Variants in MTMR1 observed in about 807,000 individuals in gnomAD.
MTMR1 encodes the protein myotubularin related protein 1.
MTMR1 carries 17 observed loss-of-function variants against 51.6 expected under a neutral mutation model. The ratio of observed to expected loss-of-function variants is 0.33; its 90% CI spans 0.23 to 0.49. MTMR1 has a LOEUF of 0.49. Ranked by LOEUF, MTMR1 falls within the 20% of genes least tolerant of loss-of-function variation. The probability of loss-of-function intolerance (pLI) is 0.99; values close to 1 mark genes in which losing one functional copy is unlikely to be tolerated. For missense variants in MTMR1, 386 were observed against 526.9 expected, an observed-to-expected ratio of 0.73 and a Z score of 2.62; for synonymous variants, 201 against 205.6, an observed-to-expected ratio of 0.98 and a Z score of 0.19.
intron 1 of MTMR1, among the ~76,000 whole-genome samples, chrX:150,695,647 C>T (rs1557415710): frequency 8.9e-6 from 1 of 111,918 alleles, no homozygotes; most frequent in Non-Finnish European, 1.9e-5. Context: ...GCAGGCTCTT[C>T]GCTCTGGACA....
At chrX:150,699,347 C>G (rs782792572) in intron 2 of MTMR1, 47 bp downstream of exon 2, 1 of 946,096 alleles carries the variant, frequency 1.1e-6, no homozygotes, top group South Asian at 2.2e-5. Context: ...GCTAAGTAGC[C>G]AAGAAGCTTT....
intron 3 of MTMR1, among the ~76,000 whole-genome samples, chrX:150,713,506 C>T (rs904991178): frequency 8.9e-6 from 1 of 111,736 alleles, no homozygotes; most frequent in African/African-American, 3.2e-5. Context: ...TAAAGCTTTA[C>T]TAGTTCTTCA....
At chrX:150,738,874 C>T (rs1270354868) in intron 12 of MTMR1, among the ~76,000 whole-genome samples, 2 of 111,881 alleles carry the variant, frequency 1.8e-5, no homozygotes, top group African/African-American at 6.5e-5. Flanking sequence ...GGTTATATAC[C>T]TAGGAGTGAA....
intron 2 of MTMR1, among the ~76,000 whole-genome samples, chrX:150,701,204 T>G (rs1021781021): frequency 1.0e-4 from 11 of 104,878 alleles, no homozygotes; most frequent in Non-Finnish European, 2.0e-4. Context: ...TCAAGGAGAG[T>G]TTTTTTTTTT....
At chrX:150,762,499 C>T (rs34497827) in intron 15 of MTMR1, 66 bp from the exon 16 acceptor site, 10 of 1,180,228 alleles carry the variant, frequency 8.5e-6, no homozygotes, top group Non-Finnish European at 1.0e-5. Context: ...CCAACAGCAT[C>T]TCCATGTGGA....
chrX:150,715,686 A>G (rs2041486830), intron 3 of MTMR1, among the ~76,000 whole-genome samples: 1 of 112,744 alleles, frequency 8.9e-6, no homozygotes, highest in Non-Finnish European at 1.9e-5. Flanking sequence ...TTGAGTTTCT[A>G]TGCTAAAGCT....
chrX:150,762,468 G>T, intron 15 of MTMR1, 97 bp from the exon 16 acceptor site: 1 of 1,093,708 alleles, frequency 9.1e-7, no homozygotes, highest in Non-Finnish European at 1.3e-6. Context: ...CAGGAGTCTG[G>T]ATGGTGAAAA....
intron 2 of MTMR1, among the ~76,000 whole-genome samples, chrX:150,704,783 G>A (rs1049606070): frequency 1.8e-5 from 2 of 111,768 alleles, no homozygotes; most frequent in Non-Finnish European, 3.8e-5. Context: ...CAAAGGGTTT[G>A]AATAAGATCC....
chrX:150,713,489 A>T (rs1251565052), intron 3 of MTMR1, among the ~76,000 whole-genome samples: 1 of 111,917 alleles, frequency 8.9e-6, no homozygotes, highest in Admixed American at 9.5e-5. Flanking sequence ...GAAATAGTAA[A>T]TTCTTTTAAA....
At chrX:150,742,834 A>AAAG (rs1557417356) in intron 12 of MTMR1, among the ~76,000 whole-genome samples, 4 of 101,879 alleles carry the variant, frequency 3.9e-5, no homozygotes, top group East Asian at 3.0e-4. Context: ...AAAAAAAAAA[A>AAAG]AAAGAAAGAA....
intron 13 of MTMR1, among the ~76,000 whole-genome samples, chrX:150,746,263 C>T (rs1396176010): frequency 8.9e-6 from 1 of 111,913 alleles, no homozygotes; most frequent in African/African-American, 3.2e-5. Flanking sequence ...TGATTGGGGT[C>T]TCACATGATC....
chrX:150,736,765 G>T lies in MTMR1; in HGVS notation c.1251G>T (p.Trp417Cys). 2.5e-6 allele frequency: 3 copies of T among 1,205,586 alleles called. No homozygotes were observed. Among genetic ancestry groups the T allele is most frequent in the Non-Finnish European group, 3.4e-6 (3 of 892,052 alleles). Residue 417 changes from tryptophan (W) to cysteine (C), a missense_variant, in exon 11 of 16, where the codon TGG becomes TGT. Trp to Cys is a radical substitution (Grantham distance 215). Coordinates refer to ENST00000445323, the MANE Select transcript of MTMR1 (RefSeq NM_001306144.3). ...RWLSNVDGTH[W>C]LEYIRMLLAG... ...TCTCCAATGTGGATGGGACGCATTG[G>T]CTGGAATATATAAGGGTAAAGAGAT... is the stretch of plus-strand genomic sequence containing the variant.
intron 15 of MTMR1, among the ~76,000 whole-genome samples, chrX:150,761,291 C>T (rs2062269511): frequency 1.8e-5 from 2 of 112,041 alleles, no homozygotes; most frequent in African/African-American, 6.5e-5. Flanking sequence ...TGTGGCCTGC[C>T]CAAGGGGGTC....
chrX:150,763,354 A>C lies in MTMR1; in HGVS notation c.*625A>C, dbSNP rs1249382132. 1 of 113,147 alleles carries C rather than the reference A, an allele frequency of 8.8e-6. No individual in the cohort carries two copies. Among genetic ancestry groups the C allele is most frequent in the Non-Finnish European group, 1.9e-5 (1 of 53,415 alleles). 9.3% of individuals were successfully genotyped at this position (113,147 alleles called of 1,213,427 possible). On this transcript the variant is annotated 3_prime_UTR_variant, in exon 16 of 16. Transcript: ENST00000445323. ...GAGAAATTCTTTTCCAACAAACCTC[A>C]TGCTCGTTTTTCTGTGGTGCAATTT...
At chrX:150,723,749 G>A (rs936578964) in intron 4 of MTMR1, among the ~76,000 whole-genome samples, 3 of 111,293 alleles carry the variant, frequency 2.7e-5, no homozygotes, top group African/African-American at 3.3e-5. Context: ...CTTCAAGTAG[G>A]CCCCAATGTC....
At chrX:150,750,900 G>A (rs950984593) in intron 14 of MTMR1, 57 bp downstream of exon 14, 53 of 1,048,386 alleles carry the variant, frequency 5.1e-5, no homozygotes, top group Admixed American at 6.9e-5. Flanking sequence ...ACCTCTCCTC[G>A]GAAGTGCTAC....
intron 2 of MTMR1, among the ~76,000 whole-genome samples, chrX:150,711,623 A>G (rs2041309701): frequency 8.9e-6 from 1 of 111,925 alleles, no homozygotes; most frequent in Non-Finnish European, 1.9e-5. Context: ...TATTGTTGCT[A>G]AAATCAGTGT....
chrX:150,731,889 G>A (rs2042128294), intron 9 of MTMR1, among the ~76,000 whole-genome samples: 1 of 112,120 alleles, frequency 8.9e-6, no homozygotes, highest in Non-Finnish European at 1.9e-5. Context: ...CAAAGGAGTA[G>A]CAACAACAAG....
chrX:150,729,123 T>TTC (rs1557416878), intron 6 of MTMR1, among the ~76,000 whole-genome samples: 1 of 110,755 alleles, frequency 9.0e-6, no homozygotes, highest in African/African-American at 3.3e-5. Context: ...CTGACCCACT[T>TTC]TCCTCTGCAG....
Sources: gnomAD v4.1 joint callset for allele counts (sites outside exome capture counted in the v4.1 genomes callset) on GRCh38, gnomAD v4.1.1 for gene constraint, MANE v1.5 for transcripts, NCBI Gene and HGNC (gene_info 2026-07-23, HGNC 2026-07-21) for gene names.